Variants in LAPTM5 observed in about 807,000 individuals in gnomAD.
The protein encoded by LAPTM5 is lysosomal protein transmembrane 5, also known as lysosomal-associated transmembrane protein 5.
In LAPTM5, 11 loss-of-function variants were observed where a neutral mutation model predicts 30.1. That is an observed-to-expected ratio of 0.37 (90% CI 0.23 to 0.60). The LOEUF (loss-of-function observed/expected upper bound fraction) is 0.60, where lower values mean the gene tolerates loss of function less well. Ranked by LOEUF, LAPTM5 falls within the 20% of genes least tolerant of loss-of-function variation. LAPTM5 has a pLI of 0.71. For synonymous variants in LAPTM5, 151 were observed against 137.9 expected (o/e 1.10, Z -0.67); for missense variants, 324 against 332.5 (o/e 0.97, Z 0.20).
chr1:30,747,496 G>T (rs750706620), intron 1 of LAPTM5, among the ~76,000 whole-genome samples: 1 of 152,056 alleles, frequency 6.6e-6, no homozygotes, highest in Non-Finnish European at 1.5e-5. Context: ...CTCCTTTCCC[G>T]CTTTTCACCT....
rs753841515 is a variant in LAPTM5, at chr1:30,733,843, T to C, written c.774A>G (p.Pro258=). Reference sequence around the variant, plus strand: ...CTGGCGAGGGTCACACCTCTGAGTATGGGGGTGGTGCTGGGCCCCCCTCTG... The same window carrying C: ...CTGGCGAGGGTCACACCTCTGAGTACGGGGGTGGTGCTGGGCCCCCCTCTG... ...KTPEGGPAPP[P]YSEV Residue 258 remains proline, a synonymous_variant, in exon 8 of 8, where the codon CCA becomes CCG. Coordinates refer to ENST00000294507, the MANE Select transcript of LAPTM5 (RefSeq NM_006762.3). 9.3e-6 allele frequency: 15 copies of C among 1,608,230 alleles called. No homozygotes were observed. Among genetic ancestry groups the C allele is most frequent in the Non-Finnish European group, 1.2e-5 (14 of 1,178,662 alleles).
chr1:30,746,835 G>A lies in LAPTM5; in HGVS notation c.88-4286C>T, dbSNP rs188512510. ...CTGACCTGCCTCACAGGATTGCTGA[G>A]GTCAAATGGAATCGTGTGGTGCGCG... On this transcript the variant is annotated intron_variant, in intron 1 of 7. Transcript: ENST00000294507. This position sits in a 1 kb window ranked among gnomAD's most constrained non-coding sequence, Gnocchi z 4.0. 1.7e-3 allele frequency among the ~76,000 whole-genome samples: 258 copies of A among 152,326 alleles called. 2 individuals carry two copies. Among genetic ancestry groups the A allele is most frequent in the Non-Finnish European group, 2.1e-3 (145 of 68,026 alleles).
At chr1:30,756,935 G>A (rs1032302186) in intron 1 of LAPTM5, among the ~76,000 whole-genome samples, 12 of 152,184 alleles carry the variant, frequency 7.9e-5, no homozygotes, top group Admixed American at 1.3e-4. Flanking sequence ...CTTGGCCCCC[G>A]GGCACTGTGA....
Position 30,733,644 on chromosome 1 carries a change from G to C in LAPTM5, c.*184C>G, listed in dbSNP as rs1410813557. The C allele has an allele frequency of 6.5e-7, 1 of 1,533,426 alleles. No individual in the cohort carries two copies. The highest frequency in any genetic ancestry group is 8.7e-7 in the Non-Finnish European group (1 of 1,145,980). 95.0% of individuals were successfully genotyped at this position (1,533,426 alleles called of 1,614,324 possible). A position where few individuals can be genotyped will look rare whatever the true frequency, so the allele number is the denominator to read the frequency against. On this transcript the variant is annotated 3_prime_UTR_variant, in exon 8 of 8. Transcript: ENST00000294507. ...GAGGAGTGACTCAGCCTAAAGCGTT[G>C]ACCCAGTTGTGAGCAGCTCACAGGC...
At chr1:30,741,768 G>A in intron 2 of LAPTM5, 52 bp from the exon 3 acceptor site, 1 of 1,404,112 alleles carries the variant, frequency 7.1e-7, no homozygotes, top group Non-Finnish European at 9.7e-7. Flanking sequence ...TGGGACCCCA[G>A]CCAGGCTCCC....
chr1:30,741,197 T>C (rs1639965974), intron 3 of LAPTM5, among the ~76,000 whole-genome samples: 1 of 152,192 alleles, frequency 6.6e-6, no homozygotes. Flanking sequence ...TGCTGGCTCC[T>C]GTCACTGCAT....
At position 30,746,779 on chromosome 1, in the gene LAPTM5, C is replaced by T. The variant is rs1023253591; in HGVS notation, c.88-4230G>A. Among the ~76,000 whole-genome samples the T allele has an allele frequency of 5.3e-5, 8 of 152,326 alleles. No individual in the cohort carries two copies. Among genetic ancestry groups the T allele is most frequent in the African/African-American group, 1.7e-4 (7 of 41,580 alleles). On this transcript the variant is annotated intron_variant, in intron 1 of 7. Coordinates refer to ENST00000294507, the MANE Select transcript of LAPTM5 (RefSeq NM_006762.3). The surrounding 1 kb of genome is among the most constrained non-coding windows in gnomAD (Gnocchi z 4.0). ...GCCAGCCACTAACCTCTCTGGGCCT[C>T]GGCTCCTCATCTGAGGAATGGGGAT... is the stretch of plus-strand genomic sequence containing the variant.
intron 2 of LAPTM5, 181 bp from the exon 3 acceptor site, chr1:30,741,897 A>G: frequency 2.0e-6 from 1 of 498,380 alleles, no homozygotes. Context: ...AGAACATCAC[A>G]CATAGCACAG....
chr1:30,733,676 G>A lies in LAPTM5; in HGVS notation c.*152C>T, dbSNP rs1639845260. On this transcript the variant is annotated 3_prime_UTR_variant, in exon 8 of 8. Transcript: ENST00000294507. ...TTGTGAGCAGCTCACAGGCCCTGCA[G>A]GAGGAGCAGGCCAGCGAGGGAGACA... The A allele has an allele frequency of 6.5e-7, 1 of 1,534,274 alleles. No individual in the cohort carries two copies. The highest frequency in any genetic ancestry group is 8.7e-7 in the Non-Finnish European group (1 of 1,146,364).
intron 2 of LAPTM5, 30 bp from the exon 3 acceptor site, chr1:30,741,746 CA>C: frequency 6.4e-7 from 1 of 1,559,266 alleles, no homozygotes; most frequent in Non-Finnish European, 8.7e-7. Flanking sequence ...GGGAGGTGCT[CA>C]GGGGTGCCCC....
chr1:30,750,968 C>T (rs921317661), intron 1 of LAPTM5, among the ~76,000 whole-genome samples: 7 of 152,230 alleles, frequency 4.6e-5, no homozygotes, highest in African/African-American at 1.7e-4. Flanking sequence ...TGCCACTTCC[C>T]TTGGCAGGGT....
rs1476687205 is a variant in LAPTM5, at chr1:30,739,736, T to C, written c.387+73A>G. ...CCCCAGCCTGAGCACAGGGCCCGTGTCTGGTCCCCTCCCATCTCCCATGCC... is the reference window on the plus strand; with the variant it reads ...CCCCAGCCTGAGCACAGGGCCCGTGCCTGGTCCCCTCCCATCTCCCATGCC... On this transcript the variant is annotated intron_variant, in intron 4 of 7. Transcript: ENST00000294507. This position sits in a 1 kb window ranked among gnomAD's most constrained non-coding sequence, Gnocchi z 4.2. 2.6e-5 allele frequency: 39 copies of C among 1,482,880 alleles called. No individual in the cohort carries two copies. The Admixed American group carries it at 3.7e-4, about 14-fold the overall frequency. The allele number at this position is 1,482,880 out of a possible 1,614,324, so 91.9% of individuals were successfully genotyped here. A position where few individuals can be genotyped will look rare whatever the true frequency, so the allele number is the denominator to read the frequency against.
chr1:30,754,483 C>A (rs1640181215), intron 1 of LAPTM5, among the ~76,000 whole-genome samples: 1 of 152,158 alleles, frequency 6.6e-6, no homozygotes, highest in Non-Finnish European at 1.5e-5. Context: ...CTGCAGTGAG[C>A]TGTGATGGCA....
Position 30,741,710 on chromosome 1 carries a change from A to T in LAPTM5, c.188T>A (p.Leu63Gln). 6.2e-7 allele frequency: 1 copy of T among 1,605,784 alleles called. No homozygotes were observed. The highest frequency in any genetic ancestry group is 1.3e-5 in the African/African-American group (1 of 74,862). Residue 63 changes from leucine to glutamine, a missense_variant, in exon 3 of 8, where the codon CTG becomes CAG. By Grantham distance (113) the Leu-to-Gln change is moderately radical. Coordinates refer to ENST00000294507, the MANE Select transcript of LAPTM5 (RefSeq NM_006762.3). The stretch of plus-strand genomic sequence containing the variant: ...GGTGATGAGCAGGAAGCTGGAGATC[A>T]GGTCAGCTGAAAGGCAAGGAGAGCA... ...SQMGYLRIAD[L>Q]ISSFLLITML...
At chr1:30,735,377 C>T in intron 6 of LAPTM5, 112 bp from the exon 7 acceptor site, 1 of 836,282 alleles carries the variant, frequency 1.2e-6, no homozygotes. Context: ...AGCCAGCATC[C>T]AGCTGCTCCT....
chr1:30,734,416 C>A (rs529830018), intron 7 of LAPTM5, among the ~76,000 whole-genome samples: 1 of 152,260 alleles, frequency 6.6e-6, no homozygotes, highest in African/African-American at 2.4e-5. Flanking sequence ...TTTGCCACCA[C>A]AAGGGATGGG....
At chr1:30,751,858 A>T (rs1176121091) in intron 1 of LAPTM5, among the ~76,000 whole-genome samples, 1 of 152,200 alleles carries the variant, frequency 6.6e-6, no homozygotes, top group Non-Finnish European at 1.5e-5. Flanking sequence ...TGAGGCAGGG[A>T]CCACTGGCCC....
chr1:30,739,394 C>A lies in LAPTM5; in HGVS notation c.388-332G>T, dbSNP rs1188358. Among the ~76,000 whole-genome samples the A allele has an allele frequency of 0.21, 31,759 of 152,176 alleles. 3,512 individuals are homozygous for A. The highest frequency in any genetic ancestry group is 0.28 in the Admixed American group (4,212 of 15,288). ...GACTGGCAGCAGCCCTCAAGCCACC[C>A]CACAGTGGGCGCTCACTGGCATGAA... is the stretch of plus-strand genomic sequence containing the variant. On this transcript the variant is annotated intron_variant, in intron 4 of 7. Coordinates refer to ENST00000294507, the MANE Select transcript of LAPTM5 (RefSeq NM_006762.3). The surrounding 1 kb of genome is among the most constrained non-coding windows in gnomAD (Gnocchi z 4.2).
rs1452092284 is a variant in LAPTM5, at chr1:30,733,869, G to C, written c.748C>G (p.Pro250Ala). 1 of 1,611,024 alleles carries C rather than the reference G, an allele frequency of 6.2e-7. No homozygotes were observed. Among genetic ancestry groups the C allele is most frequent in the Non-Finnish European group, 8.5e-7 (1 of 1,179,286 alleles). The change falls in exon 8 of 8, where the codon CCA becomes GCA. Residue 250 changes from proline (P) to alanine (A), a missense_variant. Physicochemically the swap from Pro to Ala is conservative, Grantham distance 27 (BLOSUM62 -1). Transcript: ENST00000294507. ...EEALSLPSKT[P>A]EGGPAPPPYS... ...GGGGGTGGTGCTGGGCCCCCCTCTGGGGTCTTCGATGGCAAAGACAGGGCT... is the reference window on the plus strand; with the variant it reads ...GGGGGTGGTGCTGGGCCCCCCTCTGCGGTCTTCGATGGCAAAGACAGGGCT...
Sources: allele counts gnomAD v4.1 joint callset (sites outside exome capture counted in the v4.1 genomes callset), GRCh38; gene constraint gnomAD v4.1.1; non-coding constraint Gnocchi (gnomAD v3.1); transcripts MANE v1.5; gene names NCBI Gene and HGNC (gene_info 2026-07-23, HGNC 2026-07-21).